Variants in MRO observed in about 807,000 individuals in gnomAD.
MRO encodes the protein protein maestro.
MRO carries 28 observed loss-of-function variants against 31.0 expected under a neutral mutation model. The ratio of observed to expected loss-of-function variants is 0.90; its 90% CI spans 0.67 to 1.24. The LOEUF (loss-of-function observed/expected upper bound fraction) is 1.24, where lower values mean the gene tolerates loss of function less well. Ranked by LOEUF, MRO falls within the 50% of genes most tolerant of loss-of-function variation. The pLI is 0.00. For missense variants in MRO, 332 were observed against 289.2 expected (o/e 1.15, Z -1.07); for synonymous variants, 108 against 108.4 (o/e 1.00, Z 0.02).
intron 6 of MRO, 26 bp from the exon 7 acceptor site, chr18:50,800,169 A>G: frequency 6.7e-7 from 1 of 1,491,214 alleles, no homozygotes; most frequent in South Asian, 1.2e-5. Flanking sequence ...TTACTATTTT[A>G]TTTATTAGAG....
intron 2 of MRO, chr18:50,814,304 G>C (rs1334957534): frequency 6.6e-6 from 1 of 152,072 alleles, no homozygotes; most frequent in Non-Finnish European, 1.5e-5. Flanking sequence ...TCAAAGTGGA[G>C]GCAAAGCTGT....
chr18:50,799,482 G>T, intron 7 of MRO, 92 bp from the exon 8 acceptor site: 1 of 1,093,652 alleles, frequency 9.1e-7, no homozygotes. Context: ...TGCAGGGCAT[G>T]TGGATAAGCA....
chr18:50,813,295 C>A (rs755728533), intron 2 of MRO, among the ~76,000 whole-genome samples: 3 of 152,178 alleles, frequency 2.0e-5, no homozygotes, highest in Non-Finnish European at 4.4e-5. Context: ...CAATGGGGCA[C>A]CAAAATAAAA....
At chr18:50,806,552 C>A in intron 4 of MRO, 152 bp downstream of exon 4, 3 of 910,326 alleles carry the variant, frequency 3.3e-6, no homozygotes, top group East Asian at 2.4e-5. Flanking sequence ...ATAATCAACA[C>A]GTGTTGCTGT....
chr18:50,820,781 T>G (rs1915273531), upstream of MRO, among the ~76,000 whole-genome samples: 1 of 152,190 alleles, frequency 6.6e-6, no homozygotes, highest in South Asian at 2.1e-4. Flanking sequence ...CAGGCTAATG[T>G]AAGAGCTTGG....
At chr18:50,805,576 A>G (rs576748465) in intron 4 of MRO, among the ~76,000 whole-genome samples, 10 of 152,132 alleles carry the variant, frequency 6.6e-5, no homozygotes, top group Non-Finnish European at 1.0e-4. Flanking sequence ...TGGGTGGGTG[A>G]GGCTCAGTGG....
chr18:50,799,941 G>T, intron 7 of MRO, 95 bp downstream of exon 7: 2 of 833,332 alleles, frequency 2.4e-6, no homozygotes, highest in Non-Finnish European at 3.9e-6. Flanking sequence ...GTCATTTTAA[G>T]GGGGTAACTC....
chr18:50,802,638 C>T (rs1233467375), intron 5 of MRO, among the ~76,000 whole-genome samples: 2 of 152,178 alleles, frequency 1.3e-5, no homozygotes, highest in Non-Finnish European at 2.9e-5. Context: ...GACTGAGGAA[C>T]ACTAATCATA....
intron 3 of MRO, among the ~76,000 whole-genome samples, chr18:50,808,541 C>T (rs1399527619): frequency 6.6e-6 from 1 of 151,354 alleles, no homozygotes; most frequent in Admixed American, 6.6e-5. Context: ...TCACTGCAGC[C>T]CCTACTTCCT....
At chr18:50,821,767 A>AT (rs1915313802), upstream of MRO, among the ~76,000 whole-genome samples, 1 of 152,242 alleles carries the variant, frequency 6.6e-6, no homozygotes, top group Non-Finnish European at 1.5e-5. Context: ...TAATATGCAG[A>AT]TAAATTTTCC....
At position 50,799,372 on chromosome 18, in the gene MRO, T is replaced by C. The variant is rs948333907; in HGVS notation, c.712A>G (p.Ile238Val). ...YQQLSHYHPEILQFFYANKIL is the reference protein window; with the variant it reads ...YQQLSHYHPEVLQFFYANKIL Reference sequence around the variant, plus strand: ...TTATTTGCGTAGAAGAACTGCAGGATCTCTGGATGATAGTGGCTCTGAAAG... The same window carrying C: ...TTATTTGCGTAGAAGAACTGCAGGACCTCTGGATGATAGTGGCTCTGAAAG... Residue 238 changes from isoleucine (I) to valine (V), a missense_variant, in exon 8 of 8, where the codon ATC (isoleucine) becomes GTC (valine). Coordinates refer to ENST00000398439, the MANE Select transcript of MRO (RefSeq NM_031939.6). 8 of 1,614,020 alleles carry C rather than the reference T, an allele frequency of 5.0e-6. No individual in the cohort carries two copies. The highest frequency in any genetic ancestry group is 5.1e-6 in the Non-Finnish European group (6 of 1,179,954).
chr18:50,815,331 G>T (rs192387361), intron 2 of MRO: 4 of 268,724 alleles, frequency 1.5e-5, no homozygotes, highest in African/African-American at 2.3e-5. Flanking sequence ...AATTTTTGCC[G>T]TGGTGGGAAC....
chr18:50,802,061 G>C (rs1273894220), intron 5 of MRO, among the ~76,000 whole-genome samples: 3 of 152,152 alleles, frequency 2.0e-5, no homozygotes, highest in Non-Finnish European at 4.4e-5. Flanking sequence ...TGCACCTTGA[G>C]TTTTCATCAG....
chr18:50,825,074 T>TAA (rs11451139), intron 1 of MRO, among the ~76,000 whole-genome samples: 11,001 of 141,826 alleles, frequency 0.078, 620 homozygotes, highest in Non-Finnish European at 0.12. Flanking sequence ...GATTCCATCT[T>TAA]AAAAAAAAAA....
At chr18:50,805,476 A>C in intron 4 of MRO, 140 bp from the exon 5 acceptor site, 7 of 659,794 alleles carry the variant, frequency 1.1e-5, no homozygotes, top group Admixed American at 3.0e-5. Context: ...CACAACTCTC[A>C]TTAAAATACA....
intron 5 of MRO, 27 bp from the exon 6 acceptor site, chr18:50,801,531 A>G: frequency 6.4e-7 from 1 of 1,564,748 alleles, no homozygotes. Flanking sequence ...CAAAACAATA[A>G]GAAAGCCAGA....
intron 2 of MRO, among the ~76,000 whole-genome samples, chr18:50,811,751 T>A (rs1276024983): frequency 7.6e-6 from 1 of 130,780 alleles, no homozygotes; most frequent in Non-Finnish European, 1.6e-5. Flanking sequence ...TAATTCTTTT[T>A]TTTTTTTTTT....
At position 50,816,331 on chromosome 18, in the gene MRO, GCTTTTT is replaced by G. The variant is rs1017970140; in HGVS notation, c.-5+3244_-5+3249del. ...TCCCTATGGTCTTTTATCTGCTATA[GCTTTTT>G]CTTTTTCTTTTTCTTTTCATTACAT... is the stretch of plus-strand genomic sequence containing the variant. On this transcript the variant is annotated intron_variant, in intron 2 of 7. Coordinates refer to ENST00000398439, the MANE Select transcript of MRO (RefSeq NM_031939.6). Among the ~76,000 whole-genome samples the G allele has an allele frequency of 3.3e-5, 5 of 152,314 alleles. No homozygotes were observed. In the South Asian group the frequency reaches 1.0e-3, roughly 32 times the overall value.
In MRO at chr18:50,796,535, G is replaced by A. The variant is rs971969220; in HGVS notation, c.*2802C>T. 1 of 152,194 alleles carries A rather than the reference G, an allele frequency of 6.6e-6. No homozygotes were observed. Among genetic ancestry groups the A allele is most frequent in the African/African-American group, 2.4e-5 (1 of 41,430 alleles). The allele number at this position is 152,194 out of a possible 1,614,324, so 9.4% of individuals were successfully genotyped here. On this transcript the variant is annotated 3_prime_UTR_variant, in exon 8 of 8. Transcript: ENST00000398439. ...TGGGGGGATCAGGACTTTGACCTAG[G>A]CATTGGAGTACAGATAAGAGATACA...
Sources: allele counts gnomAD v4.1 joint callset (sites outside exome capture counted in the v4.1 genomes callset), GRCh38; gene constraint gnomAD v4.1.1; transcripts MANE v1.5; gene names NCBI Gene and HGNC (gene_info 2026-07-23, HGNC 2026-07-21).